SIN3A: variants seen among roughly 807,000 people sequenced by gnomAD.
The protein encoded by SIN3A is paired amphipathic helix protein Sin3a.
A neutral mutation model predicts 146.1 loss-of-function variants in SIN3A; 14 were observed. The ratio of observed to expected loss-of-function variants is 0.10; its 90% CI spans 0.06 to 0.15. The LOEUF (loss-of-function observed/expected upper bound fraction) is 0.15, where lower values mean the gene tolerates loss of function less well. Among genes scored for constraint, SIN3A ranks in the 10% least tolerant of loss-of-function variants. The pLI is 1.00. For missense variants in SIN3A, 1,028 were observed against 1,576.0 expected, an observed-to-expected ratio of 0.65 and a Z score of 5.89; for synonymous variants, 572 against 572.0, an observed-to-expected ratio of 1.00 and a Z score of 0.00.
chr15:75,400,987 A>C (rs752446117), intron 10 of SIN3A, 47 bp from the exon 11 acceptor site: 3 of 1,343,002 alleles, frequency 2.2e-6, no homozygotes, highest in South Asian at 1.2e-5. Context: ...GGCAGGATGC[A>C]GTTATCCTGA....
intron 19 of SIN3A, 69 bp from the exon 20 acceptor site, chr15:75,375,941 A>T: frequency 6.8e-7 from 1 of 1,476,240 alleles, no homozygotes; most frequent in Admixed American, 1.7e-5. Flanking sequence ...CCCCAAAGTG[A>T]GTTTTCTTTA....
At chr15:75,439,393 C>T (rs373979307) in intron 1 of SIN3A, among the ~76,000 whole-genome samples, 4 of 151,314 alleles carry the variant, frequency 2.6e-5, no homozygotes, top group Non-Finnish European at 5.9e-5. Flanking sequence ...CAGGCTGGAG[C>T]GCAGTGGCGT....
At chr15:75,417,384 T>C (rs1309895950) in intron 3 of SIN3A, among the ~76,000 whole-genome samples, 2 of 152,040 alleles carry the variant, frequency 1.3e-5, no homozygotes, top group African/African-American at 2.4e-5. Flanking sequence ...TTTTCTTTTT[T>C]TTTTTTTTGA....
At chr15:75,409,753 C>A (rs1242510263) in intron 8 of SIN3A, 83 bp downstream of exon 8, 3 of 1,456,390 alleles carry the variant, frequency 2.1e-6, no homozygotes, top group South Asian at 2.6e-5. Flanking sequence ...ACAACAACAA[C>A]AAAACACATG....
In SIN3A at chr15:75,428,349, T is replaced by G. The variant is rs190558373; in HGVS notation, c.189+1838A>C. 2.1e-3 allele frequency among the ~76,000 whole-genome samples: 313 copies of G among 152,316 alleles called. 1 individual carries two copies. The highest frequency in any genetic ancestry group is 7.2e-3 in the African/African-American group (300 of 41,566). On this transcript the variant is annotated intron_variant, in intron 2 of 20. Transcript: ENST00000394947. ...TTTTTAAGGAGACAGGGTCTTGCACTGTTGTCCAGTCTGAAGTACAGTTGC... is the reference window on the plus strand; with the variant it reads ...TTTTTAAGGAGACAGGGTCTTGCACGGTTGTCCAGTCTGAAGTACAGTTGC...
chr15:75,412,364 T>TA (rs2073657079), intron 5 of SIN3A, among the ~76,000 whole-genome samples: 1 of 152,238 alleles, frequency 6.6e-6, no homozygotes, highest in South Asian at 2.1e-4. Context: ...TTAGATCTTC[T>TA]ACTTAGCTTG....
At chr15:75,452,990 A>T (rs2074433461), upstream of SIN3A, 1 of 152,190 alleles carries the variant, frequency 6.6e-6, no homozygotes, top group South Asian at 2.1e-4. Flanking sequence ...GCTTTTATTT[A>T]TTCACCAAAT....
intron 2 of SIN3A, among the ~76,000 whole-genome samples, chr15:75,425,087 A>G (rs1046316400): frequency 1.3e-5 from 2 of 152,046 alleles, no homozygotes; most frequent in Non-Finnish European, 2.9e-5. Context: ...CAGTATGATA[A>G]AAAGATTTCA....
At chr15:75,405,302 G>A (rs528408851) in intron 9 of SIN3A, among the ~76,000 whole-genome samples, 1 of 151,272 alleles carries the variant, frequency 6.6e-6, no homozygotes, top group East Asian at 1.9e-4. Flanking sequence ...GGAGATGGAG[G>A]TTGCACTGAG....
intron 12 of SIN3A, among the ~76,000 whole-genome samples, chr15:75,397,730 C>T (rs962164222): frequency 6.6e-6 from 1 of 152,220 alleles, no homozygotes; most frequent in East Asian, 1.9e-4. Flanking sequence ...CACCCCACTT[C>T]TTTCATGTTT....
chr15:75,370,217 C>T lies in SIN3A; in HGVS notation c.*1762G>A, dbSNP rs1267155492. The T allele has an allele frequency of 6.6e-6, 1 of 152,222 alleles. No homozygotes were observed. Among genetic ancestry groups the T allele is most frequent in the Non-Finnish European group, 1.5e-5 (1 of 68,044 alleles). 9.4% of individuals were successfully genotyped at this position (152,222 alleles called of 1,614,324 possible). A position where few individuals can be genotyped will look rare whatever the true frequency, so the allele number is the denominator to read the frequency against. On this transcript the variant is annotated 3_prime_UTR_variant, in exon 21 of 21. Coordinates refer to ENST00000394947, the MANE Select transcript of SIN3A (RefSeq NM_001145358.2). ...CGTGGCACTGCACTCCAGTGTGGGT[C>T]ATAAAGCGAGACACTGTCTTTAAAC...
At chr15:75,373,362 G>A (rs536902896) in intron 20 of SIN3A, among the ~76,000 whole-genome samples, 1 of 152,156 alleles carries the variant, frequency 6.6e-6, no homozygotes, top group African/African-American at 2.4e-5. Flanking sequence ...AGTGCCATGA[G>A]AGAAGTAGAG....
intron 17 of SIN3A, 53 bp downstream of exon 17, chr15:75,384,211 T>A: frequency 6.8e-7 from 1 of 1,465,910 alleles, no homozygotes; most frequent in Non-Finnish European, 9.3e-7. Flanking sequence ...CAGAGAATCC[T>A]AACAACTGAC....
At chr15:75,404,587 C>T (rs2073472365) in intron 9 of SIN3A, among the ~76,000 whole-genome samples, 1 of 151,858 alleles carries the variant, frequency 6.6e-6, no homozygotes, top group African/African-American at 2.4e-5. Context: ...TAGTGAAACC[C>T]TGTCTCTACT....
At chr15:75,422,975 G>A (rs1366605812) in intron 2 of SIN3A, 152 bp from the exon 3 acceptor site, 4 of 725,090 alleles carry the variant, frequency 5.5e-6, no homozygotes, top group African/African-American at 1.8e-5. Context: ...CACCTACATA[G>A]GAAGATCGCC....
At position 75,411,508 on chromosome 15, in the gene SIN3A, A is replaced by G; in HGVS notation, c.992T>C (p.Ile331Thr). ...ACTCCTTACCTGATATGTGTGCAAA[A>G]TCTCCAGGAATGCTTTGTAGATGTC... ...QPDIYKAFLE[I>T]LHTYQKEQRN... Residue 331 changes from isoleucine to threonine, a missense_variant, in exon 6 of 21, where the codon ATT (isoleucine) becomes ACT (threonine). By Grantham distance (89) the Ile-to-Thr change is moderately conservative (BLOSUM62 -1). Transcript: ENST00000394947. 1 of 1,613,980 alleles carries G rather than the reference A, an allele frequency of 6.2e-7. No individual in the cohort carries two copies. The highest frequency in any genetic ancestry group is 8.5e-7 in the Non-Finnish European group (1 of 1,179,908).
intron 6 of SIN3A, among the ~76,000 whole-genome samples, chr15:75,410,659 TTTC>T (rs1432903270): frequency 1.3e-5 from 2 of 151,766 alleles, no homozygotes; most frequent in Non-Finnish European, 2.9e-5. Flanking sequence ...ACCTTAGAAA[TTTC>T]TCCTCCTCCT....
At chr15:75,398,177 A>G (rs756732590) in intron 12 of SIN3A, among the ~76,000 whole-genome samples, 2 of 152,248 alleles carry the variant, frequency 1.3e-5, no homozygotes, top group Non-Finnish European at 2.9e-5. Flanking sequence ...AATTTAATGT[A>G]ACAGATACAC....
rs2073617283 is a variant in SIN3A at position 75,410,658 on chromosome 15, AT to A, written c.1009-373del. 2.6e-5 allele frequency among the ~76,000 whole-genome samples: 4 copies of A among 152,072 alleles called. No homozygotes were observed. The South Asian group carries it at 8.3e-4, about 32-fold the overall frequency. ...ACTACCAACTGACAAAACCTTAGAA[AT>A]TTCTCCTCCTCCTACTGTACATTAA... On this transcript the variant is annotated intron_variant, in intron 6 of 20. Transcript: ENST00000394947.
Sources: gnomAD v4.1 joint callset for allele counts (sites outside exome capture counted in the v4.1 genomes callset) on GRCh38, gnomAD v4.1.1 for gene constraint, MANE v1.5 for transcripts, NCBI Gene and HGNC (gene_info 2026-07-23, HGNC 2026-07-21) for gene names.